ZNF536: variants seen among roughly 807,000 people sequenced by gnomAD.
ZNF536 encodes zinc finger protein 536.
Under a neutral mutation model 84.5 loss-of-function variants are expected in ZNF536, and 13 were observed. The observed-to-expected ratio is 0.15, with a 90% CI of 0.10 to 0.24. ZNF536 has a LOEUF of 0.24. Ranked by LOEUF, ZNF536 falls within the 10% of genes least tolerant of loss-of-function variation. The probability of loss-of-function intolerance (pLI) is 1.00; values close to 1 mark genes in which losing one functional copy is unlikely to be tolerated. For missense variants in ZNF536, 1,536 were observed against 1,747.5 expected (o/e 0.88, Z 2.16); for synonymous variants, 811 against 742.5 (o/e 1.09, Z -1.50).
chr19:30,630,955 A>G (rs991942975), intron 1 of ZNF536, among the ~76,000 whole-genome samples: 1 of 152,224 alleles, frequency 6.6e-6, no homozygotes, highest in African/African-American at 2.4e-5. Context: ...TTCAGTGGAC[A>G]AAGGGATGTC....
intron 1 of ZNF536, among the ~76,000 whole-genome samples, chr19:30,394,316 A>G (rs553818190): frequency 2.6e-5 from 4 of 152,192 alleles, no homozygotes; most frequent in Non-Finnish European, 5.9e-5. Flanking sequence ...ACCCTTACAC[A>G]TTGGGTAATT....
chr19:30,393,268 C>T (rs1393921763), intron 1 of ZNF536, among the ~76,000 whole-genome samples: 1 of 152,160 alleles, frequency 6.6e-6, no homozygotes, highest in East Asian at 1.9e-4. Context: ...TACCAGGATA[C>T]ATATGAGTCA....
rs546012199 is a variant in ZNF536 at position 30,429,888 on chromosome 19, A to G, written c.-2-13673A>G. 2.0e-5 allele frequency among the ~76,000 whole-genome samples: 3 copies of G among 152,324 alleles called. No homozygotes were observed. The South Asian group carries it at 6.2e-4, about 32-fold the overall frequency. The stretch of plus-strand genomic sequence containing the variant: ...AGGACTTGGAATCCAAATTAGTTCA[A>G]CCAGAATTTGTAGGTACTTGTCACC... On this transcript the variant is annotated intron_variant, in intron 1 of 4. Coordinates refer to ENST00000355537, the MANE Select transcript of ZNF536 (RefSeq NM_014717.3).
chr19:30,588,536 A>C (rs1193105902), intron 1 of ZNF536, among the ~76,000 whole-genome samples: 2 of 152,314 alleles, frequency 1.3e-5, no homozygotes, highest in African/African-American at 2.4e-5. Context: ...AGTTGCACAC[A>C]AACATCATGG....
intron 1 of ZNF536, among the ~76,000 whole-genome samples, chr19:30,261,525 C>G (rs2025221004): frequency 6.6e-6 from 1 of 150,916 alleles, no homozygotes; most frequent in Non-Finnish European, 1.5e-5. Flanking sequence ...TGTAACAAGA[C>G]TCTGTCTCTC....
intron 1 of ZNF536, among the ~76,000 whole-genome samples, chr19:30,239,885 T>A (rs987296581): frequency 2.6e-5 from 4 of 152,170 alleles, no homozygotes; most frequent in African/African-American, 7.2e-5. Context: ...CACACCACGA[T>A]GCCATGTGAG....
At chr19:30,389,873 C>T (rs1179402755) in intron 1 of ZNF536, among the ~76,000 whole-genome samples, 1 of 152,232 alleles carries the variant, frequency 6.6e-6, no homozygotes. Context: ...CATTTTCCAA[C>T]TTGAGCTGCT....
intron 3 of ZNF536, among the ~76,000 whole-genome samples, chr19:30,537,630 T>G (rs2045143432): frequency 6.6e-6 from 1 of 152,148 alleles, no homozygotes; most frequent in African/African-American, 2.4e-5. Flanking sequence ...CCAGGCAACT[T>G]AGGACCAAAG....
At chr19:30,604,068 A>AG (rs2047786958) in intron 1 of ZNF536, among the ~76,000 whole-genome samples, 1 of 152,108 alleles carries the variant, frequency 6.6e-6, no homozygotes, top group South Asian at 2.1e-4. Context: ...CCAGCCTGGG[A>AG]GGCAGAGCAA....
intron 1 of ZNF536, among the ~76,000 whole-genome samples, chr19:30,439,378 C>T (rs762634719): frequency 1.4e-4 from 21 of 152,126 alleles, no homozygotes; most frequent in South Asian, 2.1e-4. Flanking sequence ...AAGGAATAAA[C>T]GCATTCTGGA....
At chr19:30,339,817 G>A (rs551262972) in intron 2 of ZNF536, among the ~76,000 whole-genome samples, 2 of 152,328 alleles carry the variant, frequency 1.3e-5, no homozygotes, top group East Asian at 3.9e-4. Context: ...CTGCGTGGTT[G>A]CTGTCGACTT....
intron 2 of ZNF536, among the ~76,000 whole-genome samples, chr19:30,333,107 C>T (rs992919395): frequency 2.0e-5 from 3 of 151,988 alleles, no homozygotes; most frequent in South Asian, 2.1e-4. Flanking sequence ...TGGCAGATCA[C>T]GTCACTGCAC....
At chr19:30,323,197 A>G (rs1600219048) in intron 2 of ZNF536, among the ~76,000 whole-genome samples, 2 of 152,148 alleles carry the variant, frequency 1.3e-5, no homozygotes, top group Admixed American at 6.5e-5. Flanking sequence ...CAAACCTCCA[A>G]TGCCTGCTGA....
chr19:30,500,186 C>A (rs910824121), intron 2 of ZNF536, among the ~76,000 whole-genome samples: 11 of 152,182 alleles, frequency 7.2e-5, no homozygotes, highest in African/African-American at 2.7e-4. Flanking sequence ...GCTTCTAATC[C>A]CAGGGTACCC....
intron 1 of ZNF536, among the ~76,000 whole-genome samples, chr19:30,655,310 G>T (rs1323068274): frequency 6.6e-6 from 1 of 152,188 alleles, no homozygotes; most frequent in Non-Finnish European, 1.5e-5. Context: ...TTCTCAGAGA[G>T]CTTTGCTCAT....
chr19:30,625,327 A>G lies in ZNF536; in HGVS notation c.169+75813A>G, dbSNP rs182892922. On this transcript the variant is annotated intron_variant, in intron 1 of 1. Transcript: ENST00000592773. ...AAGCATTGGATCTCAAAAATCACCT[A>G]TTTGGATTTTCCCAGTGAGAACACC... Among the ~76,000 whole-genome samples the G allele has an allele frequency of 1.2e-3, 184 of 152,282 alleles. 1 individual carries two copies. Among genetic ancestry groups the G allele is most frequent in the Non-Finnish European group, 1.8e-3 (124 of 68,022 alleles).
intron 2 of ZNF536, among the ~76,000 whole-genome samples, chr19:30,316,646 G>A (rs1243597115): frequency 6.6e-6 from 1 of 152,162 alleles, no homozygotes; most frequent in African/African-American, 2.4e-5. Context: ...GCAGTAGTCT[G>A]GGCATGAGAG....
intron 2 of ZNF536, among the ~76,000 whole-genome samples, chr19:30,508,541 G>A (rs2055266773): frequency 6.6e-6 from 1 of 152,156 alleles, no homozygotes; most frequent in Admixed American, 6.5e-5. Flanking sequence ...CCATGAGACT[G>A]TGAGTCTTTG....
intron 2 of ZNF536, among the ~76,000 whole-genome samples, chr19:30,530,498 C>G (rs981512267): frequency 8.5e-5 from 13 of 152,252 alleles, no homozygotes; most frequent in African/African-American, 3.1e-4. Flanking sequence ...AGGCACGCAC[C>G]ATCATGCCTG....
Sources: gnomAD v4.1 joint callset for allele counts (sites outside exome capture counted in the v4.1 genomes callset) on GRCh38, gnomAD v4.1.1 for gene constraint, MANE v1.5 for transcripts, NCBI Gene and HGNC (gene_info 2026-07-23, HGNC 2026-07-21) for gene names.